Variants in DPF3 observed in about 807,000 individuals in gnomAD.
The protein encoded by DPF3 is zinc finger protein DPF3.
Under a neutral mutation model 56.8 loss-of-function variants are expected in DPF3, and 18 were observed. That is an observed-to-expected ratio of 0.32 (90% CI 0.22 to 0.47). The LOEUF (loss-of-function observed/expected upper bound fraction) is 0.47. Among genes scored for constraint, DPF3 ranks in the 20% least tolerant of loss-of-function variants. The probability of loss-of-function intolerance (pLI) is 1.00; values close to 1 mark genes in which losing one functional copy is unlikely to be tolerated. For synonymous variants in DPF3, 188 were observed against 180.2 expected (o/e 1.04, Z -0.35); for missense variants, 403 against 488.8 (o/e 0.82, Z 1.65).
At chr14:72,673,861 A>G (rs921689201) in intron 8 of DPF3, among the ~76,000 whole-genome samples, 1 of 152,198 alleles carries the variant, frequency 6.6e-6, no homozygotes, top group African/African-American at 2.4e-5. Flanking sequence ...TGCCCTAGGC[A>G]CTTCCACAGA....
At chr14:72,858,833 G>A (rs1885271140) in intron 1 of DPF3, among the ~76,000 whole-genome samples, 1 of 152,170 alleles carries the variant, frequency 6.6e-6, no homozygotes, top group African/African-American at 2.4e-5. Context: ...GATTTGGGGT[G>A]ATAATTTTGC....
rs190692921 is a variant in DPF3, at chr14:72,790,808, C to A, written c.33-18915G>T. Among the ~76,000 whole-genome samples, 7 of 152,314 alleles carry A rather than the reference C, an allele frequency of 4.6e-5. No homozygotes were observed. The South Asian group carries it at 8.3e-4, about 18-fold the overall frequency. The stretch of plus-strand genomic sequence containing the variant: ...AATGTCCCCAGCCTTACTTCTCCCC[C>A]CTCAAGAGCCCCATCGCCTCTTTCT... On this transcript the variant is annotated intron_variant, in intron 1 of 10. Coordinates refer to ENST00000556509, the MANE Select transcript of DPF3 (RefSeq NM_001280542.3).
chr14:72,891,270 C>A (rs1004855703), intron 1 of DPF3, among the ~76,000 whole-genome samples: 1 of 150,996 alleles, frequency 6.6e-6, no homozygotes, highest in Non-Finnish European at 1.5e-5. Flanking sequence ...CCTGAGGAAA[C>A]CTTTGTGTGA....
chr14:72,818,544 G>T (rs1355057839), intron 1 of DPF3, among the ~76,000 whole-genome samples: 1 of 152,160 alleles, frequency 6.6e-6, no homozygotes, highest in African/African-American at 2.4e-5. Flanking sequence ...AGGTGTGGTG[G>T]CTCATGCCTG....
intron 8 of DPF3, among the ~76,000 whole-genome samples, chr14:72,646,704 C>T (rs568054240): frequency 3.5e-4 from 54 of 152,298 alleles, no homozygotes; most frequent in Admixed American, 5.2e-4. Flanking sequence ...TGCCTCCATG[C>T]GGAATTTTTC....
In DPF3 at chr14:72,752,673, A is replaced by G. The variant is rs563783736; in HGVS notation, c.301+591T>C. ...GCTAGACTCTGTCTCAAAAACATAT[A>G]TATATTAGATTAGTATAGACATAAC... On this transcript the variant is annotated intron_variant, in intron 3 of 10. Coordinates refer to ENST00000556509, the MANE Select transcript of DPF3 (RefSeq NM_001280542.3). Among the ~76,000 whole-genome samples the G allele has an allele frequency of 1.7e-3, 263 of 152,268 alleles. 1 individual carries two copies. Among genetic ancestry groups the G allele is most frequent in the Middle Eastern group, 3.4e-3 (1 of 294 alleles).
At chr14:72,691,281 C>T (rs1273543738) in intron 7 of DPF3, among the ~76,000 whole-genome samples, 3 of 152,254 alleles carry the variant, frequency 2.0e-5, no homozygotes, top group East Asian at 3.8e-4. Flanking sequence ...CCCCTCCCCA[C>T]TCCCAAATTC....
At chr14:72,878,343 G>A (rs1166043054) in intron 1 of DPF3, among the ~76,000 whole-genome samples, 2 of 152,212 alleles carry the variant, frequency 1.3e-5, no homozygotes, top group Admixed American at 1.3e-4. Context: ...TTTGAAGGAT[G>A]AATGAAGTGA....
chr14:72,865,729 C>T (rs1885635000), intron 1 of DPF3, among the ~76,000 whole-genome samples: 1 of 152,176 alleles, frequency 6.6e-6, no homozygotes, highest in Non-Finnish European at 1.5e-5. Flanking sequence ...ATCGATGAAG[C>T]TTTATGTCCT....
rs1311133080 is a variant in DPF3 at position 72,617,061 on chromosome 14, T to C, written c.*2236A>G. On this transcript the variant is annotated 3_prime_UTR_variant, in exon 11 of 11. Transcript: ENST00000556509. Reference sequence around the variant, plus strand: ...CCTCACCAGTGCAGGCAAGTTCCAGTGCCCTGCCTTGGCCTGGGAGACCCA... The same window carrying C: ...CCTCACCAGTGCAGGCAAGTTCCAGCGCCCTGCCTTGGCCTGGGAGACCCA... Among the ~76,000 whole-genome samples the C allele has an allele frequency of 6.6e-6, 1 of 152,184 alleles. No individual in the cohort carries two copies. The highest frequency in any genetic ancestry group is 2.4e-5 in the African/African-American group (1 of 41,454).
At chr14:72,764,615 A>C (rs1404714092) in intron 2 of DPF3, among the ~76,000 whole-genome samples, 1 of 147,182 alleles carries the variant, frequency 6.8e-6, no homozygotes, top group Non-Finnish European at 1.5e-5. Flanking sequence ...CAGCCTCCTG[A>C]GTAGCTGGGA....
At chr14:72,680,098 G>A (rs1802108080) in intron 7 of DPF3, among the ~76,000 whole-genome samples, 1 of 152,230 alleles carries the variant, frequency 6.6e-6, no homozygotes, top group South Asian at 2.1e-4. Context: ...GCAGAGCCAG[G>A]AGAGGGTTAA....
chr14:72,883,844 T>C (rs1361886131), intron 1 of DPF3, among the ~76,000 whole-genome samples: 4 of 151,330 alleles, frequency 2.6e-5, no homozygotes, highest in Non-Finnish European at 5.9e-5. Context: ...ACAAGATCAC[T>C]TGAACGTGGG....
At position 72,615,954 on chromosome 14, in the gene DPF3, G is replaced by A. The variant is rs964283754; in HGVS notation, c.*3343C>T. Among the ~76,000 whole-genome samples, 6 of 152,232 alleles carry A rather than the reference G, an allele frequency of 3.9e-5. No individual in the cohort carries two copies. The highest frequency in any genetic ancestry group is 2.0e-4 in the Admixed American group (3 of 15,290). Reference sequence around the variant, plus strand: ...TTTGCTGGAGCCACAGTACAGAGGGGTGAAGCCCAGCAAAGTTCTCCTGGC... The same window carrying A: ...TTTGCTGGAGCCACAGTACAGAGGGATGAAGCCCAGCAAAGTTCTCCTGGC... On this transcript the variant is annotated 3_prime_UTR_variant, in exon 11 of 11. Transcript: ENST00000556509.
At chr14:72,650,854 C>G (rs1462731721) in intron 8 of DPF3, among the ~76,000 whole-genome samples, 1 of 152,196 alleles carries the variant, frequency 6.6e-6, no homozygotes, top group African/African-American at 2.4e-5. Flanking sequence ...CTCTCCTCCA[C>G]AGACACCCGG....
intron 3 of DPF3, among the ~76,000 whole-genome samples, chr14:72,734,495 C>CAAA (rs1195520655): frequency 6.6e-6 from 1 of 152,162 alleles, no homozygotes; most frequent in Non-Finnish European, 1.5e-5. Context: ...TGTCCTCAGT[C>CAAA]AAAAGAGAAC....
intron 1 of DPF3, among the ~76,000 whole-genome samples, chr14:72,863,555 TAA>T (rs76280301): frequency 2.3e-4 from 24 of 104,270 alleles, no homozygotes; most frequent in Admixed American, 3.9e-4. Flanking sequence ...TGTAGGATTC[TAA>T]AAAAAAAAAA....
chr14:72,611,303 A>G lies in DPF3; in HGVS notation c.*7994T>C, dbSNP rs1051357126. 6.6e-6 allele frequency among the ~76,000 whole-genome samples: 1 copy of G among 152,244 alleles called. No homozygotes were observed. Among genetic ancestry groups the G allele is most frequent in the African/African-American group, 2.4e-5 (1 of 41,464 alleles). On this transcript the variant is annotated 3_prime_UTR_variant, in exon 11 of 11. Coordinates refer to ENST00000556509, the MANE Select transcript of DPF3 (RefSeq NM_001280542.3). ...AGATGAAACAAACGGTTTATTCCTA[A>G]TGCTGTCAACACAAACAACTGAGAG...
intron 6 of DPF3, among the ~76,000 whole-genome samples, chr14:72,698,922 G>A (rs1187272975): frequency 1.3e-5 from 2 of 152,202 alleles, no homozygotes; most frequent in African/African-American, 2.4e-5. Flanking sequence ...CTTGTGGCAG[G>A]TGCTCAATGT....
Sources: allele counts gnomAD v4.1 joint callset (sites outside exome capture counted in the v4.1 genomes callset), GRCh38; gene constraint gnomAD v4.1.1; transcripts MANE v1.5; gene names NCBI Gene and HGNC (gene_info 2026-07-23, HGNC 2026-07-21).